The following QTMAN variants were observed in gnomAD, a reference collection of about 807,000 sequenced individuals.
QTMAN encodes the protein tRNA-queuosine alpha-mannosyltransferase.
chr2:144,104,795 G>C, the QTMAN span, among the ~76,000 whole-genome samples: 1 of 152,198 alleles, frequency 6.6e-6, no homozygotes, highest in Non-Finnish European at 1.5e-5. Context: ...ATCTGAGAAC[G>C]GACAGACTGC....
At chr2:144,025,517 G>A in the QTMAN span, among the ~76,000 whole-genome samples, 7 of 152,186 alleles carry the variant, frequency 4.6e-5, no homozygotes, top group Non-Finnish European at 7.4e-5. Context: ...TAGTGGTGCG[G>A]GGAGGGAGCT....
chr2:144,284,781 C>T, the QTMAN span, among the ~76,000 whole-genome samples: 4 of 152,054 alleles, frequency 2.6e-5, no homozygotes, highest in Non-Finnish European at 5.9e-5. Flanking sequence ...GGCTGTAATG[C>T]CAACACTTTA....
the QTMAN span, among the ~76,000 whole-genome samples, chr2:144,016,875 G>GTC: frequency 6.6e-6 from 1 of 152,092 alleles, no homozygotes; most frequent in African/African-American, 2.4e-5. Flanking sequence ...TAACAGAGAA[G>GTC]GAGATACTAT....
At chr2:144,062,227 C>T in the QTMAN span, among the ~76,000 whole-genome samples, 4 of 152,206 alleles carry the variant, frequency 2.6e-5, no homozygotes, top group African/African-American at 4.8e-5. Context: ...GCACTCACCC[C>T]GCCTCCTGCA....
At chr2:144,012,911 G>C in the QTMAN span, among the ~76,000 whole-genome samples, 5 of 152,162 alleles carry the variant, frequency 3.3e-5, no homozygotes, top group African/African-American at 1.2e-4. Flanking sequence ...CTACATATGG[G>C]GCAGACAAGG....
chr2:143,953,106 T>C, the QTMAN span, among the ~76,000 whole-genome samples: 1 of 151,860 alleles, frequency 6.6e-6, no homozygotes, highest in African/African-American at 2.4e-5. Context: ...TTTTTTTTGT[T>C]TTTAAAATAC....
chr2:144,133,304 CATATAAATATATATGTATATATACAT>C, the QTMAN span, among the ~76,000 whole-genome samples: 2 of 20,102 alleles, frequency 9.9e-5, no homozygotes, highest in African/African-American at 3.7e-4. Flanking sequence ...TATATATGTT[CATATAAATATATATGTATATATACAT>C]ATATAAATAT....
At chr2:144,104,138 T>G in the QTMAN span, among the ~76,000 whole-genome samples, 2 of 151,854 alleles carry the variant, frequency 1.3e-5, no homozygotes, top group African/African-American at 4.8e-5. Context: ...GGTTCCAAGA[T>G]GGCCAAATAG....
the QTMAN span, among the ~76,000 whole-genome samples, chr2:144,257,853 A>C: frequency 6.6e-6 from 1 of 152,254 alleles, no homozygotes; most frequent in Non-Finnish European, 1.5e-5. Flanking sequence ...TGGCAGATTA[A>C]GAAAAAAACT....
the QTMAN span, among the ~76,000 whole-genome samples, chr2:144,022,721 G>A: frequency 1.7e-3 from 253 of 151,892 alleles, no homozygotes; most frequent in African/African-American, 5.7e-3. Context: ...ACGCCACTGC[G>A]TCCAGCTAAT....
At chr2:144,257,329 A>G in the QTMAN span, among the ~76,000 whole-genome samples, 1 of 152,108 alleles carries the variant, frequency 6.6e-6, no homozygotes, top group African/African-American at 2.4e-5. Flanking sequence ...TGGAGTTATG[A>G]TATTAAGTTT....
chr2:144,221,875 G>GAACT, the QTMAN span, among the ~76,000 whole-genome samples: 4 of 152,112 alleles, frequency 2.6e-5, no homozygotes, highest in Non-Finnish European at 5.9e-5. Context: ...AGTAATATAT[G>GAACT]AACTAAAAGT....
chr2:144,170,501 T>G, the QTMAN span, among the ~76,000 whole-genome samples: 28 of 152,126 alleles, frequency 1.8e-4, no homozygotes, highest in African/African-American at 6.5e-4. Flanking sequence ...AACCCTGCGC[T>G]CTAAGAAACT....
At chr2:144,208,514 A>T in the QTMAN span, 1 of 1,113,490 alleles carries the variant, frequency 9.0e-7, no homozygotes, top group South Asian at 1.5e-5. Context: ...ATAGTTGGAG[A>T]AATTCTCAAA....
the QTMAN span, among the ~76,000 whole-genome samples, chr2:144,238,654 T>G: frequency 6.6e-6 from 1 of 152,196 alleles, no homozygotes. Flanking sequence ...TCTAGGAACG[T>G]GCACTATCTG....
At chr2:144,084,626 A>C in the QTMAN span, among the ~76,000 whole-genome samples, 1 of 152,170 alleles carries the variant, frequency 6.6e-6, no homozygotes, top group Non-Finnish European at 1.5e-5. Flanking sequence ...TCTGGAATTC[A>C]CCTTTTTAAT....
chr2:143,975,562 C>G, the QTMAN span, among the ~76,000 whole-genome samples: 2 of 152,210 alleles, frequency 1.3e-5, no homozygotes, highest in Non-Finnish European at 2.9e-5. Flanking sequence ...CACTCATCCT[C>G]TCTTTCTGAG....
chr2:144,151,763 T>C, the QTMAN span, among the ~76,000 whole-genome samples: 1 of 152,360 alleles, frequency 6.6e-6, no homozygotes. Context: ...ACATATTTTT[T>C]AATTCATAAA....
the QTMAN span, among the ~76,000 whole-genome samples, chr2:144,142,582 G>A: frequency 6.6e-6 from 1 of 151,886 alleles, no homozygotes; most frequent in African/African-American, 2.4e-5. Flanking sequence ...ACTTCTTGCT[G>A]TAGCTTTTAC....
Sources: gnomAD v4.1 joint callset for allele counts (sites outside exome capture counted in the v4.1 genomes callset) on GRCh38, gnomAD v4.1.1 for gene constraint, MANE v1.5 for transcripts, NCBI Gene and HGNC (gene_info 2026-07-23, HGNC 2026-07-21) for gene names.